Variants in STXBP5L observed in about 807,000 individuals in gnomAD.
STXBP5L encodes syntaxin-binding protein 5-like.
A neutral mutation model predicts 144.5 loss-of-function variants in STXBP5L; 65 were observed. The ratio of observed to expected loss-of-function variants is 0.45; its 90% CI spans 0.37 to 0.55. The LOEUF (loss-of-function observed/expected upper bound fraction) is 0.55, where lower values mean the gene tolerates loss of function less well. STXBP5L is among the 20% of genes least tolerant of loss of function. The pLI, the probability that STXBP5L is intolerant of heterozygous loss-of-function variation, is 0.00. For synonymous variants in STXBP5L, 505 were observed against 469.6 expected, an observed-to-expected ratio of 1.08 and a Z score of -0.97; for missense variants, 1,298 against 1,405.5, an observed-to-expected ratio of 0.92 and a Z score of 1.22.
intron 3 of STXBP5L, among the ~76,000 whole-genome samples, chr3:121,026,379 CTCTT>C (rs1181569127): frequency 6.6e-6 from 1 of 152,028 alleles, no homozygotes; most frequent in Non-Finnish European, 1.5e-5. Context: ...CCACAAAACA[CTCTT>C]TATCACATAT....
intron 3 of STXBP5L, among the ~76,000 whole-genome samples, chr3:120,997,285 A>G (rs1943427551): frequency 1.3e-5 from 2 of 152,132 alleles, no homozygotes; most frequent in South Asian, 4.1e-4. Context: ...AGAATGATTT[A>G]TATTGTCTTG....
intron 18 of STXBP5L, among the ~76,000 whole-genome samples, chr3:121,272,442 C>T (rs1417115223): frequency 1.3e-5 from 2 of 152,048 alleles, no homozygotes; most frequent in Non-Finnish European, 2.9e-5. Flanking sequence ...ATTAAGCTAC[C>T]TCTGCTCTAT....
At position 121,255,052 on chromosome 3, in the gene STXBP5L, A is replaced by C; in HGVS notation, c.1599A>C (p.Gly533=). 1 of 1,613,012 alleles carries C rather than the reference A, an allele frequency of 6.2e-7. No individual in the cohort carries two copies. The highest frequency in any genetic ancestry group is 1.3e-5 in the African/African-American group (1 of 75,014). The change falls in exon 16 of 27, where the codon GGA becomes GGC. Residue 533 remains glycine (G), a synonymous_variant. Transcript: ENST00000471454. Reference sequence around the variant, plus strand: ...AGAGCAGAATATTCTGTGTATCAGGAGTCTCTGCATATGTCATAATTTATA... The same window carrying C: ...AGAGCAGAATATTCTGTGTATCAGGCGTCTCTGCATATGTCATAATTTATA... ...CPESRIFCVS[G]VSAYVIIYKF...
intron 19 of STXBP5L, among the ~76,000 whole-genome samples, chr3:121,313,577 A>C (rs1415921246): frequency 1.3e-3 from 26 of 19,490 alleles, no homozygotes; most frequent in Admixed American, 2.0e-3. Flanking sequence ...TGACCCCCCC[A>C]CCTCCCTCCC....
chr3:121,324,711 T>C (rs1273911974), intron 20 of STXBP5L: 1 of 536,878 alleles, frequency 1.9e-6, no homozygotes, highest in Non-Finnish European at 3.3e-6. Context: ...TCCTTCATGG[T>C]GTATGAAAAC....
At chr3:121,400,942 T>C (rs2046857660) in intron 22 of STXBP5L, among the ~76,000 whole-genome samples, 1 of 152,082 alleles carries the variant, frequency 6.6e-6, no homozygotes, top group Admixed American at 6.6e-5. Context: ...ATAGCAAATA[T>C]AAAAACACTA....
At chr3:120,912,662 C>T (rs1249499044) in intron 2 of STXBP5L, among the ~76,000 whole-genome samples, 1 of 151,444 alleles carries the variant, frequency 6.6e-6, no homozygotes, top group East Asian at 1.9e-4. Context: ...TTACTGCAAT[C>T]GTTCAGAATG....
intron 19 of STXBP5L, among the ~76,000 whole-genome samples, chr3:121,301,796 G>A (rs1414111305): frequency 6.6e-6 from 1 of 152,156 alleles, no homozygotes; most frequent in African/African-American, 2.4e-5. Flanking sequence ...TGCATCTATT[G>A]AGATAATCAT....
At chr3:121,345,696 C>T (rs900012010) in intron 20 of STXBP5L, among the ~76,000 whole-genome samples, 1 of 152,056 alleles carries the variant, frequency 6.6e-6, no homozygotes, top group African/African-American at 2.4e-5. Context: ...TTAATGACTG[C>T]CATTCTAACT....
intron 7 of STXBP5L, among the ~76,000 whole-genome samples, chr3:121,122,828 A>G (rs1370750045): frequency 6.6e-6 from 1 of 151,518 alleles, no homozygotes; most frequent in East Asian, 1.9e-4. Context: ...TTTAGGGCAT[A>G]TGCTATAACA....
chr3:120,960,393 G>C (rs569503969), intron 3 of STXBP5L, among the ~76,000 whole-genome samples: 1 of 152,314 alleles, frequency 6.6e-6, no homozygotes, highest in East Asian at 1.9e-4. Flanking sequence ...ATTTGACCCA[G>C]CCATCCCATT....
intron 6 of STXBP5L, among the ~76,000 whole-genome samples, chr3:121,120,486 C>G (rs147503871): frequency 1.3e-5 from 2 of 151,204 alleles, no homozygotes; most frequent in East Asian, 3.9e-4. Flanking sequence ...TTATTGAATG[C>G]ACACTATGTT....
chr3:121,099,337 C>T (rs1232537720), intron 5 of STXBP5L: 1 of 152,178 alleles, frequency 6.6e-6, no homozygotes. Context: ...GAACTGCAAG[C>T]ACCTGGGCTC....
At chr3:121,048,579 T>C (rs897674286) in intron 5 of STXBP5L, among the ~76,000 whole-genome samples, 2 of 152,170 alleles carry the variant, frequency 1.3e-5, no homozygotes, top group African/African-American at 4.8e-5. Context: ...GAACCAGTCA[T>C]TGAGCTCTCA....
At chr3:121,311,748 G>A (rs529093063) in intron 19 of STXBP5L, among the ~76,000 whole-genome samples, 9 of 152,086 alleles carry the variant, frequency 5.9e-5, no homozygotes, top group South Asian at 2.1e-4. Flanking sequence ...AAGCAATATC[G>A]TGAAAATGGC....
At chr3:121,042,262 G>A (rs144138744) in intron 4 of STXBP5L, among the ~76,000 whole-genome samples, 7 of 152,136 alleles carry the variant, frequency 4.6e-5, no homozygotes, top group Admixed American at 2.0e-4. Context: ...TTTTGTGTCC[G>A]TAGTTATTAT....
At chr3:121,069,747 C>A (rs987303772) in intron 5 of STXBP5L, among the ~76,000 whole-genome samples, 4 of 151,910 alleles carry the variant, frequency 2.6e-5, no homozygotes, top group African/African-American at 9.7e-5. Flanking sequence ...AAAATTATAA[C>A]TCATTTTGAG....
chr3:120,983,819 C>T (rs1197999711), intron 3 of STXBP5L, among the ~76,000 whole-genome samples: 1 of 152,172 alleles, frequency 6.6e-6, no homozygotes, highest in Non-Finnish European at 1.5e-5. Flanking sequence ...TGTCACTTCT[C>T]TGTTGAATTC....
At chr3:120,954,270 C>G (rs566203989) in intron 2 of STXBP5L, among the ~76,000 whole-genome samples, 9 of 152,132 alleles carry the variant, frequency 5.9e-5, no homozygotes, top group African/African-American at 1.9e-4. Flanking sequence ...TTTTATTGTA[C>G]CATTTTATGA....
Sources: gnomAD v4.1 joint callset for allele counts (sites outside exome capture counted in the v4.1 genomes callset) on GRCh38, gnomAD v4.1.1 for gene constraint, MANE v1.5 for transcripts, NCBI Gene and HGNC (gene_info 2026-07-23, HGNC 2026-07-21) for gene names.